Variants in MARCHF1 observed in about 807,000 individuals in gnomAD.
MARCHF1 encodes the protein E3 ubiquitin-protein ligase MARCHF1.
Under a neutral mutation model 54.2 loss-of-function variants are expected in MARCHF1, and 40 were observed. That is an observed-to-expected ratio of 0.74 (90% CI 0.57 to 0.96). The LOEUF is 0.96. MARCHF1 is among the 40% of genes least tolerant of loss of function. The pLI, the probability that MARCHF1 is intolerant of heterozygous loss-of-function variation, is 0.00. For missense variants in MARCHF1, 586 were observed against 656.5 expected (o/e 0.89, Z 1.17); for synonymous variants, 236 against 236.3 (o/e 1.00, Z 0.01).
At chr4:164,292,706 GT>G (rs1048464535) in intron 1 of MARCHF1, among the ~76,000 whole-genome samples, 3 of 152,044 alleles carry the variant, frequency 2.0e-5, no homozygotes, top group Non-Finnish European at 2.9e-5. Flanking sequence ...TTTCAGAAAC[GT>G]TAAAATGTAT....
At chr4:163,824,677 A>T (rs1748795291) in intron 4 of MARCHF1, among the ~76,000 whole-genome samples, 1 of 86,026 alleles carries the variant, frequency 1.2e-5, no homozygotes, top group Non-Finnish European at 2.6e-5. Flanking sequence ...GCACAGCAAA[A>T]GAAACTACCA....
At chr4:163,653,471 T>C (rs1293117965) in intron 5 of MARCHF1, among the ~76,000 whole-genome samples, 2 of 151,590 alleles carry the variant, frequency 1.3e-5, no homozygotes, top group South Asian at 4.2e-4. Context: ...TTTATGAAGG[T>C]AGAAGTAGAA....
chr4:164,256,340 G>A (rs932785621), intron 1 of MARCHF1, among the ~76,000 whole-genome samples: 1 of 149,648 alleles, frequency 6.7e-6, no homozygotes, highest in South Asian at 2.1e-4. Context: ...AATCTCCAAA[G>A]TGGTGCTCAG....
chr4:164,369,595 ATACATATG>A (rs1479769223), intron 1 of MARCHF1, among the ~76,000 whole-genome samples: 2 of 151,682 alleles, frequency 1.3e-5, no homozygotes, highest in Non-Finnish European at 1.5e-5. Flanking sequence ...AAGTACATAT[ATACATATG>A]TACATATGTA....
At chr4:163,746,261 T>C (rs1488979527) in intron 4 of MARCHF1, among the ~76,000 whole-genome samples, 3 of 152,210 alleles carry the variant, frequency 2.0e-5, no homozygotes, top group Non-Finnish European at 4.4e-5. Flanking sequence ...ACTCAAACAG[T>C]ACATAGCCTT....
At chr4:164,041,683 T>A (rs966937483) in intron 2 of MARCHF1, among the ~76,000 whole-genome samples, 4 of 152,110 alleles carry the variant, frequency 2.6e-5, no homozygotes, top group Admixed American at 6.6e-5. Flanking sequence ...AATGGGAAAA[T>A]AATTATAAAT....
intron 5 of MARCHF1, among the ~76,000 whole-genome samples, chr4:163,620,072 G>A (rs1325035486): frequency 6.6e-6 from 1 of 152,050 alleles, no homozygotes; most frequent in Non-Finnish European, 1.5e-5. Flanking sequence ...GGATCAAGAA[G>A]GAAAAGTTGA....
intron 1 of MARCHF1, among the ~76,000 whole-genome samples, chr4:164,132,593 T>C (rs917566310): frequency 1.3e-5 from 2 of 152,152 alleles, no homozygotes; most frequent in Non-Finnish European, 2.9e-5. Flanking sequence ...AGCGCACATT[T>C]TTCCCCCTGC....
intron 5 of MARCHF1, among the ~76,000 whole-genome samples, chr4:163,688,322 C>T (rs985150693): frequency 4.6e-5 from 7 of 152,064 alleles, no homozygotes; most frequent in Non-Finnish European, 8.8e-5. Flanking sequence ...ACCATATCAA[C>T]GTATCATCTT....
intron 5 of MARCHF1, among the ~76,000 whole-genome samples, chr4:163,620,905 A>G (rs902908239): frequency 6.6e-6 from 1 of 152,220 alleles, no homozygotes; most frequent in Non-Finnish European, 1.5e-5. Flanking sequence ...TAATGAGAAA[A>G]GTAATTCTTT....
chr4:163,757,736 T>C (rs980600887), intron 4 of MARCHF1, among the ~76,000 whole-genome samples: 3 of 152,198 alleles, frequency 2.0e-5, no homozygotes, highest in African/African-American at 7.2e-5. Flanking sequence ...ACCTATCTGA[T>C]CGTAAATTTT....
intron 2 of MARCHF1, among the ~76,000 whole-genome samples, chr4:164,006,443 A>G (rs1189893440): frequency 1.3e-5 from 2 of 152,258 alleles, no homozygotes; most frequent in African/African-American, 2.4e-5. Flanking sequence ...AAAAATAAAA[A>G]AAAGGAAAGG....
At chr4:164,383,368 C>G (rs1731431654) in intron 1 of MARCHF1, 1 of 152,378 alleles carries the variant, frequency 6.6e-6, no homozygotes, top group East Asian at 1.9e-4. Context: ...CAAAGGCTGC[C>G]CTGTGTCTTC....
chr4:164,040,148 T>C (rs1754094128), intron 2 of MARCHF1, among the ~76,000 whole-genome samples: 1 of 144,926 alleles, frequency 6.9e-6, no homozygotes, highest in Non-Finnish European at 1.5e-5. Flanking sequence ...ATATCCATAA[T>C]TTTATATAAA....
chr4:164,238,300 CAA>C (rs1732625889), intron 1 of MARCHF1, among the ~76,000 whole-genome samples: 1 of 151,766 alleles, frequency 6.6e-6, no homozygotes, highest in Non-Finnish European at 1.5e-5. Context: ...TTAGAATAGA[CAA>C]AGAGAGTCTA....
chr4:164,109,739 T>C (rs1755789989), intron 2 of MARCHF1, among the ~76,000 whole-genome samples: 1 of 151,480 alleles, frequency 6.6e-6, no homozygotes, highest in Non-Finnish European at 1.5e-5. Context: ...ATCTAAGCTC[T>C]AATAACTCCT....
At chr4:163,664,386 A>T (rs1023093744) in intron 5 of MARCHF1, among the ~76,000 whole-genome samples, 1 of 152,160 alleles carries the variant, frequency 6.6e-6, no homozygotes, top group Non-Finnish European at 1.5e-5. Flanking sequence ...TTTTCAAAAA[A>T]AATTCTAAGG....
chr4:163,810,484 G>C (rs1411208410), intron 4 of MARCHF1, among the ~76,000 whole-genome samples: 1 of 152,136 alleles, frequency 6.6e-6, no homozygotes, highest in Non-Finnish European at 1.5e-5. Context: ...AAGTCTATGG[G>C]TGAATCTATC....
rs565960644 is a variant in MARCHF1, at chr4:163,775,833, A to C, written c.112-74970T>G. ...CCAGAAATGTGAGGTCATTTAGAGC[A>C]GCCAGTGTTGGATGGTCAAGAAGAG... is the stretch of plus-strand genomic sequence containing the variant. On this transcript the variant is annotated intron_variant, in intron 4 of 9. Transcript: ENST00000514618. 2.6e-5 allele frequency among the ~76,000 whole-genome samples: 4 copies of C among 152,290 alleles called. No individual in the cohort carries two copies. The South Asian group carries it at 8.3e-4, about 32-fold the overall frequency.
Sources: allele counts gnomAD v4.1 joint callset (sites outside exome capture counted in the v4.1 genomes callset), GRCh38; gene constraint gnomAD v4.1.1; transcripts MANE v1.5; gene names NCBI Gene and HGNC (gene_info 2026-07-23, HGNC 2026-07-21).